CNIH3: variants seen among roughly 807,000 people sequenced by gnomAD.
CNIH3 encodes protein cornichon homolog 3.
CNIH3 carries 14 observed loss-of-function variants against 24.1 expected under a neutral mutation model. The observed-to-expected ratio is 0.58, with a 90% confidence interval of 0.38 to 0.91. The LOEUF (loss-of-function observed/expected upper bound fraction) is 0.91, where lower values mean the gene tolerates loss of function less well. Ranked by LOEUF, CNIH3 falls within the 40% of genes least tolerant of loss-of-function variation. CNIH3 has a pLI of 0.00. For missense variants in CNIH3, 178 were observed against 196.8 expected (o/e 0.90, Z 0.57); for synonymous variants, 68 against 73.8 (o/e 0.92, Z 0.40).
chr1:224,695,362 ACACACAC>A (rs2125165258), intron 3 of CNIH3, among the ~76,000 whole-genome samples: 1 of 10,546 alleles, frequency 9.5e-5, no homozygotes, highest in South Asian at 7.5e-3. Flanking sequence ...TTCTAAACAC[ACACACAC>A]ACACACACAC....
chr1:224,670,506 G>A (rs1409661844), intron 1 of CNIH3, among the ~76,000 whole-genome samples: 1 of 152,164 alleles, frequency 6.6e-6, no homozygotes, highest in East Asian at 1.9e-4. Flanking sequence ...GATGAGGGTG[G>A]ACACTGCTCT....
upstream of CNIH3, among the ~76,000 whole-genome samples, chr1:224,613,590 G>A (rs193147699): frequency 1.3e-5 from 2 of 152,288 alleles, no homozygotes; most frequent in Admixed American, 6.5e-5. Context: ...CTGGTGGGAG[G>A]TGTCTGGGTC....
rs533954381 is a variant in CNIH3 at position 224,542,777 on chromosome 1, G to A, written n.340-4052G>A. On this transcript the variant is annotated intron_variant and non_coding_transcript_variant, in intron 2 of 5. Coordinates refer to the CNIH3 transcript ENST00000471578. ...GTAAGCTCCACTCTTGCCTCTTCTC[G>A]TCAACCCCTCCGTATAGTAGCTGCA... 4.6e-5 allele frequency among the ~76,000 whole-genome samples: 7 copies of A among 152,220 alleles called. No homozygotes were observed. The South Asian group carries it at 6.2e-4, about 14-fold the overall frequency.
chr1:224,634,584 A>AG (rs770768725), intron 1 of CNIH3, among the ~76,000 whole-genome samples: 2 of 148,046 alleles, frequency 1.4e-5, no homozygotes, highest in African/African-American at 5.0e-5. Flanking sequence ...AAAAAAAAAA[A>AG]TAAAAAAAAA....
At chr1:224,613,305 A>G (rs1682786489), upstream of CNIH3, among the ~76,000 whole-genome samples, 1 of 152,118 alleles carries the variant, frequency 6.6e-6, no homozygotes, top group Non-Finnish European at 1.5e-5. Flanking sequence ...CTGACCTCCA[A>G]ATTTTCTTTA....
At chr1:224,474,743 C>T (rs1427377194) in intron 1 of CNIH3, among the ~76,000 whole-genome samples, 4 of 152,014 alleles carry the variant, frequency 2.6e-5, no homozygotes, top group East Asian at 1.9e-4. Context: ...TAAGGGAAAT[C>T]GGAGCCCGGG....
chr1:224,649,301 T>A lies in CNIH3; in HGVS notation c.82-31657T>A, dbSNP rs76042647. Among the ~76,000 whole-genome samples the A allele has an allele frequency of 3.1e-4, 47 of 152,322 alleles. No individual in the cohort carries two copies. The East Asian group carries it at 9.1e-3, about 29-fold the overall frequency. ...AGAAGCAGAGGTCAGGAAATGCCGG[T>A]GGTCTCCGAGAGCTGGAAAAGGCAA... is the stretch of plus-strand genomic sequence containing the variant. On this transcript the variant is annotated intron_variant, in intron 1 of 5. Transcript: ENST00000272133.
chr1:224,444,837 G>T (rs1399124138), intron 1 of CNIH3, among the ~76,000 whole-genome samples: 3 of 150,238 alleles, frequency 2.0e-5, no homozygotes, highest in African/African-American at 7.4e-5. Context: ...TATAGATGAG[G>T]TTTCACCATG....
At position 224,721,519 on chromosome 1, in the gene CNIH3, T is replaced by C. The variant is rs1688722423; in HGVS notation, c.199-8943T>C. On this transcript the variant is annotated intron_variant, in intron 3 of 5. Transcript: ENST00000272133. ...GGTATTATTTGAGAGAGCGCTTTTA[T>C]TCTCATCTCCTCCCTGAGTGAAATC... Among the ~76,000 whole-genome samples, 3 of 152,230 alleles carry C rather than the reference T, an allele frequency of 2.0e-5. No individual in the cohort carries two copies. The South Asian group carries it at 6.2e-4, about 31-fold the overall frequency.
chr1:224,629,548 C>T (rs916477231), intron 1 of CNIH3, among the ~76,000 whole-genome samples: 3 of 152,076 alleles, frequency 2.0e-5, no homozygotes, highest in Admixed American at 6.5e-5. Flanking sequence ...CCTTTGTCGA[C>T]GAACACTGGG....
intron 3 of CNIH3, among the ~76,000 whole-genome samples, chr1:224,608,444 A>G (rs1682528131): frequency 6.6e-6 from 1 of 152,128 alleles, no homozygotes; most frequent in Admixed American, 6.5e-5. Context: ...TTACAACTCT[A>G]AGGGGGTCCA....
At chr1:224,450,120 T>C (rs144932464) in intron 1 of CNIH3, among the ~76,000 whole-genome samples, 40 of 152,320 alleles carry the variant, frequency 2.6e-4, no homozygotes, top group African/African-American at 7.5e-4. Flanking sequence ...GCACTTGCTA[T>C]ATGCAAGACA....
At chr1:224,457,549 TCCTC>T (rs1362238464) in intron 1 of CNIH3, among the ~76,000 whole-genome samples, 1 of 148,612 alleles carries the variant, frequency 6.7e-6, no homozygotes, top group Non-Finnish European at 1.5e-5. Context: ...TAGCTTCCCT[TCCTC>T]CCTCCCTGCA....
intron 4 of CNIH3, among the ~76,000 whole-genome samples, chr1:224,573,301 T>G (rs1680899080): frequency 6.6e-6 from 1 of 152,222 alleles, no homozygotes; most frequent in South Asian, 2.1e-4. Context: ...TCTTAGTTAC[T>G]ACTTCCTCAG....
chr1:224,670,356 C>T (rs544286573), intron 1 of CNIH3, among the ~76,000 whole-genome samples: 1 of 152,342 alleles, frequency 6.6e-6, no homozygotes, highest in Admixed American at 6.5e-5. Flanking sequence ...GGCTGGGTCT[C>T]ATTTTCCTGA....
chr1:224,734,553 C>T lies in CNIH3; in HGVS notation c.312-10C>T. 6.2e-7 allele frequency: 1 copy of T among 1,613,876 alleles called. No homozygotes were observed. On this transcript the variant is annotated splice_polypyrimidine_tract_variant and intron_variant, in intron 4 of 5. Coordinates refer to ENST00000272133, the MANE Select transcript of CNIH3 (RefSeq NM_152495.2). ...GACCTCAGAGACAATGATGTCCTCT[C>T]TCCCTGCAGGTATTTCCACTGTCCA...
intron 2 of CNIH3, among the ~76,000 whole-genome samples, chr1:224,544,109 C>T (rs1679612869): frequency 6.6e-6 from 1 of 152,148 alleles, no homozygotes; most frequent in Non-Finnish European, 1.5e-5. Context: ...CTTTTTGGCT[C>T]TTGGACCATG....
At chr1:224,671,605 T>C (rs1268657997) in intron 1 of CNIH3, among the ~76,000 whole-genome samples, 1 of 152,252 alleles carries the variant, frequency 6.6e-6, no homozygotes, top group Non-Finnish European at 1.5e-5. Context: ...CTCTCATTCT[T>C]CTTGATTCTT....
chr1:224,739,572 T>A lies in CNIH3; in HGVS notation c.*216T>A. ...CACCCTGTTTGTCAATCTTTGGCATTCGAATTCCACACACGGGGTCCTAGA... is the reference window on the plus strand; with the variant it reads ...CACCCTGTTTGTCAATCTTTGGCATACGAATTCCACACACGGGGTCCTAGA... On this transcript the variant is annotated 3_prime_UTR_variant, in exon 6 of 6. Coordinates refer to ENST00000272133, the MANE Select transcript of CNIH3 (RefSeq NM_152495.2). 1.2e-6 allele frequency: 1 copy of A among 853,592 alleles called. No individual in the cohort carries two copies. The highest frequency in any genetic ancestry group is 1.7e-5 in the African/African-American group (1 of 58,024). The allele number at this position is 853,592 out of a possible 1,614,324, so 52.9% of individuals were successfully genotyped here.
Sources: allele counts gnomAD v4.1 joint callset (sites outside exome capture counted in the v4.1 genomes callset), GRCh38; gene constraint gnomAD v4.1.1; transcripts MANE v1.5; gene names NCBI Gene and HGNC (gene_info 2026-07-23, HGNC 2026-07-21).